Variants in ARHGEF33 observed in about 807,000 individuals in gnomAD.
ARHGEF33 encodes the protein Rho guanine nucleotide exchange factor 33, also known as DH and coiled-coil domain-containing protein ENSP00000381780.
ARHGEF33 carries 72 observed loss-of-function variants against 101.9 expected under a neutral mutation model. The observed-to-expected ratio is 0.71, with a 90% CI of 0.58 to 0.86. ARHGEF33 has a LOEUF of 0.86. Among genes scored for constraint, ARHGEF33 ranks in the 40% least tolerant of loss-of-function variants. ARHGEF33 has a pLI of 0.00. For missense variants in ARHGEF33, 1,169 were observed against 1,111.3 expected, an observed-to-expected ratio of 1.05 and a Z score of -0.74; for synonymous variants, 499 against 442.5, an observed-to-expected ratio of 1.13 and a Z score of -1.60.
chr2:38,926,084 A>G lies in ARHGEF33; in HGVS notation c.76-2823A>G, dbSNP rs569214239. ...GGAAGAATTCGGACTCCTCTCCCCT[A>G]TTTCTTTGAGCCTAAGATGCCCTCT... On this transcript the variant is annotated intron_variant, in intron 4 of 17. Coordinates refer to ENST00000409978, the MANE Select transcript of ARHGEF33 (RefSeq NM_001145451.5). 1.3e-4 allele frequency among the ~76,000 whole-genome samples: 20 copies of G among 152,284 alleles called. No homozygotes were observed. In the South Asian group the frequency reaches 4.1e-3, roughly 32 times the overall value.
At chr2:38,893,922 C>T (rs558734423) in intron 1 of ARHGEF33, among the ~76,000 whole-genome samples, 1 of 152,104 alleles carries the variant, frequency 6.6e-6, no homozygotes, top group East Asian at 1.9e-4. Context: ...CAAACAAGGG[C>T]TGGAGTGAAG....
At chr2:38,973,674 C>G (rs1320911230) in intron 17 of ARHGEF33, 40 bp from the exon 18 acceptor site, 5 of 1,442,360 alleles carry the variant, frequency 3.5e-6, no homozygotes, top group Admixed American at 2.8e-5. Flanking sequence ...ACAATTAAAA[C>G]CAAATCAACC....
rs147987130 is a variant in ARHGEF33 at position 38,959,550 on chromosome 2, A to G, written c.1536-291A>G. ...TTGAAGGTGTGCCTTGGAGCACCGC[A>G]GGTGGTGAGGAGGGTCAGGGCTTCC... is the stretch of plus-strand genomic sequence containing the variant. On this transcript the variant is annotated intron_variant, in intron 15 of 17. Coordinates refer to ENST00000409978, the MANE Select transcript of ARHGEF33 (RefSeq NM_001145451.5). The G allele has an allele frequency of 8.6e-3, 2,772 of 323,628 alleles. 15 individuals carry two copies. Among genetic ancestry groups the G allele is most frequent in the Middle Eastern group, 0.014 (17 of 1,208 alleles). The allele number at this position is 323,628 out of a possible 1,614,324, so 20.0% of individuals were successfully genotyped here.
rs147186350 is a variant in ARHGEF33, at chr2:38,948,172, A to G, written c.921-2817A>G. On this transcript the variant is annotated intron_variant, in intron 10 of 17. Transcript: ENST00000409978. ...CTGGGCGTCAGGTCTGGCGCCAGGCAAAAGAGTGAAACAGGTTAAGTGTGG... is the reference window on the plus strand; with the variant it reads ...CTGGGCGTCAGGTCTGGCGCCAGGCGAAAGAGTGAAACAGGTTAAGTGTGG... Among the ~76,000 whole-genome samples the G allele has an allele frequency of 4.0e-3, 601 of 152,060 alleles. 3 individuals carry two copies. Among genetic ancestry groups the G allele is most frequent in the Non-Finnish European group, 6.9e-3 (472 of 68,022 alleles).
intron 7 of ARHGEF33, 108 bp downstream of exon 7, chr2:38,931,359 C>G (rs1415780877): frequency 2.0e-6 from 2 of 1,020,052 alleles, no homozygotes; most frequent in Admixed American, 3.4e-5. Context: ...TGGTGTATTG[C>G]CTAGAATTTT....
chr2:38,892,401 G>T (rs563168065), intron 1 of ARHGEF33, among the ~76,000 whole-genome samples: 11 of 132,188 alleles, frequency 8.3e-5, no homozygotes, highest in African/African-American at 2.8e-4. Flanking sequence ...TAGAGATGAT[G>T]CCTAAAGGTG....
At chr2:38,941,166 T>C (rs1254875607) in intron 9 of ARHGEF33, among the ~76,000 whole-genome samples, 1 of 152,210 alleles carries the variant, frequency 6.6e-6, no homozygotes, top group East Asian at 1.9e-4. Flanking sequence ...TCCTAAACTT[T>C]TGGCCTTTCA....
intron 9 of ARHGEF33, among the ~76,000 whole-genome samples, chr2:38,943,646 G>A (rs959011951): frequency 6.6e-5 from 10 of 152,100 alleles, no homozygotes; most frequent in African/African-American, 2.4e-4. Flanking sequence ...ATTGCCCCTG[G>A]TGTCTCCAAT....
intron 10 of ARHGEF33, among the ~76,000 whole-genome samples, chr2:38,949,767 A>G (rs190362976): frequency 2.0e-4 from 30 of 152,344 alleles, no homozygotes; most frequent in Non-Finnish European, 5.9e-5. Context: ...CTGTACAGGA[A>G]GCACGATGCT....
At position 38,962,849 on chromosome 2, in the gene ARHGEF33, C is replaced by CAAAA. The variant is rs386389985; in HGVS notation, c.2343+2223_2343+2226dup. ...TCAACACGGTGAAACCCCGTCTCTA[C>CAAAA]AAAAAAAAAAAAAAAAAAAAAAAAA... On this transcript the variant is annotated intron_variant, in intron 16 of 17. Transcript: ENST00000409978. 2.7e-3 allele frequency among the ~76,000 whole-genome samples: 153 copies of CAAAA among 55,744 alleles called. 3 individuals are homozygous for CAAAA. Among genetic ancestry groups the CAAAA allele is most frequent in the African/African-American group, 5.1e-3 (61 of 11,846 alleles). 36.6% of individuals were successfully genotyped at this position (55,744 alleles called of 152,430 possible).
chr2:38,959,145 T>C (rs1280082583), intron 15 of ARHGEF33: 4 of 152,230 alleles, frequency 2.6e-5, no homozygotes, highest in Middle Eastern at 3.2e-3. Context: ...TACCCTATCC[T>C]AGTTTGTAAA....
chr2:38,911,066 C>T (rs1666498384), intron 2 of ARHGEF33, among the ~76,000 whole-genome samples: 1 of 152,106 alleles, frequency 6.6e-6, no homozygotes. Context: ...AGATAACATA[C>T]ATGAGAGTGC....
intron 12 of ARHGEF33, among the ~76,000 whole-genome samples, chr2:38,953,767 A>G (rs1422139054): frequency 6.6e-6 from 1 of 152,232 alleles, no homozygotes; most frequent in African/African-American, 2.4e-5. Flanking sequence ...ACTAAGAGTT[A>G]ATCAAATTTC....
chr2:38,960,858 G>T (rs1349871935), intron 16 of ARHGEF33, among the ~76,000 whole-genome samples: 2 of 152,180 alleles, frequency 1.3e-5, no homozygotes, highest in Non-Finnish European at 2.9e-5. Context: ...TGGAAGGCGA[G>T]TGGCAGCGCC....
rs778862995 is a variant in ARHGEF33 at position 38,937,437 on chromosome 2, C to G, written c.668C>G (p.Pro223Arg). 2.7e-5 allele frequency: 42 copies of G among 1,549,436 alleles called. No individual in the cohort carries two copies. The highest frequency in any genetic ancestry group is 3.7e-5 in the Non-Finnish European group (42 of 1,145,776). ...GHLPSGMWRQ[P>R]KDGKEWGEEY... ...CTCCCATCTGGCATGTGGAGGCAGC[C>G]TAAGGATGGTAAAGAATGGGGTGAA... is the stretch of plus-strand genomic sequence containing the variant. The change falls in exon 9 of 18, where the codon CCT becomes CGT. Residue 223 changes from proline to arginine, a missense_variant. Coordinates refer to ENST00000409978, the MANE Select transcript of ARHGEF33 (RefSeq NM_001145451.5).
At chr2:38,957,951 C>G (rs759448787) in intron 14 of ARHGEF33, 83 bp from the exon 15 acceptor site, 1 of 1,466,416 alleles carries the variant, frequency 6.8e-7, no homozygotes, top group Non-Finnish European at 9.3e-7. Context: ...TGAGACATCT[C>G]TCTATCTTTT....
At chr2:38,900,872 T>C (rs2124979706) in intron 2 of ARHGEF33, among the ~76,000 whole-genome samples, 1 of 152,322 alleles carries the variant, frequency 6.6e-6, no homozygotes, top group African/African-American at 2.4e-5. Flanking sequence ...GGTGATCTCT[T>C]CCTGGAGGAA....
intron 3 of ARHGEF33, 88 bp downstream of exon 3, chr2:38,919,560 C>A: frequency 7.7e-7 from 1 of 1,302,368 alleles, no homozygotes; most frequent in Non-Finnish European, 1.1e-6. Context: ...CGAGACATGA[C>A]AGTATGTTAA....
chr2:38,941,015 C>G (rs113555427), intron 9 of ARHGEF33, among the ~76,000 whole-genome samples: 4,864 of 152,180 alleles, frequency 0.032, 244 homozygotes, highest in African/African-American at 0.11. Flanking sequence ...AAAGACCAAT[C>G]TTAGGTTCTA....
Sources: gnomAD v4.1 joint callset for allele counts (sites outside exome capture counted in the v4.1 genomes callset) on GRCh38, gnomAD v4.1.1 for gene constraint, MANE v1.5 for transcripts, NCBI Gene and HGNC (gene_info 2026-07-23, HGNC 2026-07-21) for gene names.